NCOA2: variants seen among roughly 807,000 people sequenced by gnomAD.
The protein encoded by NCOA2 is class E basic helix-loop-helix protein 75.
NCOA2 carries 21 observed loss-of-function variants against 145.1 expected under a neutral mutation model. The ratio of observed to expected loss-of-function variants is 0.14; its 90% confidence interval spans 0.10 to 0.21. The LOEUF is 0.21. Ranked by LOEUF, NCOA2 falls within the 10% of genes least tolerant of loss-of-function variation. NCOA2 has a pLI of 1.00. For synonymous variants in NCOA2, 619 were observed against 637.5 expected (o/e 0.97, Z 0.44); for missense variants, 1,472 against 1,837.6 (o/e 0.80, Z 3.64).
intron 1 of NCOA2, among the ~76,000 whole-genome samples, chr8:70,359,873 C>A (rs576877510): frequency 6.6e-6 from 1 of 152,124 alleles, no homozygotes; most frequent in South Asian, 2.1e-4. Flanking sequence ...AATATACATA[C>A]CCTGCCCTAA....
chr8:70,262,116 A>G (rs1333503716), intron 2 of NCOA2, among the ~76,000 whole-genome samples: 1 of 152,156 alleles, frequency 6.6e-6, no homozygotes, highest in Non-Finnish European at 1.5e-5. Flanking sequence ...CAAAGCTTCA[A>G]ATTAATTTTG....
the NCOA2 span, among the ~76,000 whole-genome samples, chr8:70,439,396 G>C: frequency 1.3e-5 from 2 of 152,288 alleles, no homozygotes; most frequent in East Asian, 3.9e-4. Flanking sequence ...GAAAACCAGG[G>C]AAGAGGTGAC....
At chr8:70,305,783 G>C (rs181807224) in intron 1 of NCOA2, among the ~76,000 whole-genome samples, 1 of 152,284 alleles carries the variant, frequency 6.6e-6, no homozygotes, top group Admixed American at 6.5e-5. Flanking sequence ...ATGCGATTAA[G>C]TATGTCAATA....
intron 5 of NCOA2, 103 bp from the exon 6 acceptor site, chr8:70,170,482 C>T (rs901778582): frequency 6.9e-6 from 7 of 1,012,982 alleles, no homozygotes; most frequent in East Asian, 5.9e-5. Flanking sequence ...AATTCACACA[C>T]AGATAGAAAA....
chr8:70,284,483 A>G (rs1826100863), intron 2 of NCOA2, among the ~76,000 whole-genome samples: 1 of 152,224 alleles, frequency 6.6e-6, no homozygotes, highest in Non-Finnish European at 1.5e-5. Context: ...GAAGGTCTTT[A>G]GCTCTCATGA....
intron 2 of NCOA2, among the ~76,000 whole-genome samples, chr8:70,289,487 T>A (rs1168297600): frequency 6.6e-6 from 1 of 152,212 alleles, no homozygotes; most frequent in African/African-American, 2.4e-5. Flanking sequence ...CTTTCCCAGT[T>A]CTTTTCACTT....
rs769460850 is a variant in NCOA2, at chr8:70,156,971, A to G, written c.1394T>C (p.Leu465Pro). 8.1e-6 allele frequency: 13 copies of G among 1,614,034 alleles called. No individual in the cohort carries two copies. Among genetic ancestry groups the G allele is most frequent in the Non-Finnish European group, 1.7e-6 (2 of 1,179,886 alleles). The change falls in exon 11 of 23, where the codon CTC becomes CCC. Residue 465 changes from leucine to proline, a missense_variant. Physicochemically the swap from Leu to Pro is moderately conservative, Grantham distance 98. Around this residue, in one of 4 missense-constraint regions of NCOA2, gnomAD observed 953 missense variants for 1,062.1 expected, o/e 0.90. Transcript: ENST00000452400. Reference sequence around the variant, plus strand: ...GCTTTGTGAGGGGCTGTTCATTTTGAGTGCATAGTTACTACCCTGAGGAGT... The same window carrying G: ...GCTTTGTGAGGGGCTGTTCATTTTGGGTGCATAGTTACTACCCTGAGGAGT... The part of the protein sequence containing the change: ...ATTPQGSNYA[L>P]KMNSPSQSSP...
At chr8:70,258,843 TA>T (rs1483153807) in intron 2 of NCOA2, among the ~76,000 whole-genome samples, 1 of 152,220 alleles carries the variant, frequency 6.6e-6, no homozygotes. Context: ...CCATCTAACA[TA>T]GTTCTTAACA....
chr8:70,238,328 T>C (rs952902368), intron 2 of NCOA2, among the ~76,000 whole-genome samples: 8 of 152,168 alleles, frequency 5.3e-5, no homozygotes, highest in African/African-American at 1.9e-4. Context: ...GTAATTAGTA[T>C]AGTGTTGAAG....
intron 1 of NCOA2, among the ~76,000 whole-genome samples, chr8:70,364,005 C>T (rs1439756164): frequency 7.3e-6 from 1 of 137,042 alleles, no homozygotes; most frequent in South Asian, 2.3e-4. Context: ...AGGTGGGATA[C>T]AACAATGAAA....
At chr8:70,288,641 C>G (rs1020590716) in intron 2 of NCOA2, among the ~76,000 whole-genome samples, 1 of 150,820 alleles carries the variant, frequency 6.6e-6, no homozygotes, top group Non-Finnish European at 1.5e-5. Flanking sequence ...TAGATAAACA[C>G]AGGGCACACA....
chr8:70,253,628 G>A (rs1315797795), intron 2 of NCOA2, among the ~76,000 whole-genome samples: 3 of 152,018 alleles, frequency 2.0e-5, no homozygotes, highest in Non-Finnish European at 4.4e-5. Flanking sequence ...TTTTTGACAA[G>A]GGCACCAAGA....
Position 70,112,108 on chromosome 8 carries a change from A to G in NCOA2, c.*1524T>C, listed in dbSNP as rs914693981. Reference sequence around the variant, plus strand: ...TCATTAAGAAAGAATATAAACATATAAAAATCAAGAATTGGTTCCTACAGC... The same window carrying G: ...TCATTAAGAAAGAATATAAACATATGAAAATCAAGAATTGGTTCCTACAGC... On this transcript the variant is annotated 3_prime_UTR_variant, in exon 23 of 23. Coordinates refer to ENST00000452400, the MANE Select transcript of NCOA2 (RefSeq NM_006540.4). 4.9e-6 allele frequency: 1 copy of G among 204,388 alleles called. No individual in the cohort carries two copies. The allele number at this position is 204,388 out of a possible 1,614,324, so 12.7% of individuals were successfully genotyped here. A position where few individuals can be genotyped will look rare whatever the true frequency, so the allele number is the denominator to read the frequency against.
rs759852993 is a variant in NCOA2 at position 70,216,775 on chromosome 8, A to C, written c.-19-11T>G. The C allele has an allele frequency of 2.0e-6, 3 of 1,516,836 alleles. No individual in the cohort carries two copies. Among genetic ancestry groups the C allele is most frequent in the African/African-American group, 2.8e-5 (2 of 72,650 alleles). 94.0% of individuals were successfully genotyped at this position (1,516,836 alleles called of 1,614,324 possible). ...AACACATATCAGCAACTAAAACAGAAAACAGAGAAGAGGAAGAAAAAAATG... is the reference window on the plus strand; with the variant it reads ...AACACATATCAGCAACTAAAACAGACAACAGAGAAGAGGAAGAAAAAAATG... On this transcript the variant is annotated splice_polypyrimidine_tract_variant and intron_variant, in intron 2 of 22. Transcript: ENST00000452400.
At chr8:70,393,056 C>T (rs182576499) in intron 1 of NCOA2, among the ~76,000 whole-genome samples, 99 of 152,314 alleles carry the variant, frequency 6.5e-4, no homozygotes, top group African/African-American at 2.3e-3. Context: ...CCTCCCCTCA[C>T]TCCTTCCAAG....
chr8:70,431,644 C>T, the NCOA2 span, among the ~76,000 whole-genome samples: 10 of 152,300 alleles, frequency 6.6e-5, no homozygotes, highest in South Asian at 2.1e-3. Context: ...ATGAAGTATT[C>T]GTTCTTTGGG....
chr8:70,301,429 A>C (rs74950895), intron 1 of NCOA2, among the ~76,000 whole-genome samples: 8,332 of 151,980 alleles, frequency 0.055, 303 homozygotes, highest in East Asian at 0.16. Context: ...TTGAGCAGGC[A>C]TATCACTTGA....
chr8:70,113,678 T>G, intron 22 of NCOA2, 35 bp from the exon 23 acceptor site: 1 of 1,547,986 alleles, frequency 6.5e-7, no homozygotes, highest in Admixed American at 2.0e-5. Context: ...GTGAAACATC[T>G]TTGAGGTTTT....
intron 1 of NCOA2, among the ~76,000 whole-genome samples, chr8:70,363,967 C>T (rs950541401): frequency 1.3e-5 from 2 of 151,558 alleles, no homozygotes; most frequent in African/African-American, 2.4e-5. Context: ...AACTGCTATT[C>T]CCACAACTTG....
Sources: allele counts gnomAD v4.1 joint callset (sites outside exome capture counted in the v4.1 genomes callset), GRCh38; gene constraint gnomAD v4.1.1; regional missense constraint gnomAD v4.1.1; transcripts MANE v1.5; gene names NCBI Gene and HGNC (gene_info 2026-07-23, HGNC 2026-07-21).